Variants in ZNF469 observed in about 807,000 individuals in gnomAD.
The protein encoded by ZNF469 is zinc finger protein 469.
A neutral mutation model predicts 1.0 loss-of-function variants in ZNF469; 1 was observed. That is an observed-to-expected ratio of 1.00 (90% CI 0.35 to 4.73). The LOEUF is 4.73. ZNF469 is among the 30% of genes most tolerant of loss of function. The pLI, the probability that ZNF469 is intolerant of heterozygous loss-of-function variation, is 0.16. For missense variants in ZNF469, 6,100 were observed against 5,356.3 expected, an observed-to-expected ratio of 1.14 and a Z score of -4.33; for synonymous variants, 2,703 against 2,363.4, an observed-to-expected ratio of 1.14 and a Z score of -4.17.
At chr16:88,421,036 C>T (rs992701305) in intron 1 of ZNF469, among the ~76,000 whole-genome samples, 1 of 152,160 alleles carries the variant, frequency 6.6e-6, no homozygotes, top group Admixed American at 6.5e-5. Flanking sequence ...AGGGGTGGGA[C>T]CAGGGGCAGA....
chr16:88,215,198 A>G, the ZNF469 span, among the ~76,000 whole-genome samples: 22 of 152,186 alleles, frequency 1.4e-4, no homozygotes, highest in African/African-American at 4.8e-4. Context: ...TTTGCCTTTA[A>G]TGTAATTACT....
the ZNF469 span, among the ~76,000 whole-genome samples, chr16:88,239,397 C>T: frequency 4.0e-5 from 6 of 151,748 alleles, no homozygotes; most frequent in African/African-American, 1.5e-4. Context: ...CCAAGAACTA[C>T]AGGATTCTTT....
the ZNF469 span, among the ~76,000 whole-genome samples, chr16:88,145,789 G>A: frequency 6.6e-6 from 1 of 152,380 alleles, no homozygotes; most frequent in South Asian, 2.1e-4. Flanking sequence ...GCAGAAGGAT[G>A]CTTGGGAGAT....
At chr16:88,124,761 T>C in the ZNF469 span, among the ~76,000 whole-genome samples, 1 of 152,106 alleles carries the variant, frequency 6.6e-6, no homozygotes, top group Non-Finnish European at 1.5e-5. Flanking sequence ...ATTTTGTATT[T>C]TTAGTAGAGA....
chr16:88,292,577 C>T, the ZNF469 span, among the ~76,000 whole-genome samples: 3 of 151,838 alleles, frequency 2.0e-5, no homozygotes, highest in Non-Finnish European at 4.4e-5. Flanking sequence ...AGTGAAGCCT[C>T]GTACAGCTAA....
At chr16:88,339,868 G>T in the ZNF469 span, among the ~76,000 whole-genome samples, 1 of 146,112 alleles carries the variant, frequency 6.8e-6, no homozygotes, top group African/African-American at 2.6e-5. Context: ...GGAGGTCAGG[G>T]GACAGAGTGG....
At chr16:88,426,664 C>T (rs373577434) in intron 2 of ZNF469, among the ~76,000 whole-genome samples, 6 of 150,876 alleles carry the variant, frequency 4.0e-5, no homozygotes, top group African/African-American at 7.4e-5. Context: ...CCCTGGCTGA[C>T]GGCAGGATCT....
the ZNF469 span, among the ~76,000 whole-genome samples, chr16:88,163,783 G>C: frequency 2.6e-5 from 4 of 152,070 alleles, no homozygotes; most frequent in African/African-American, 7.2e-5. Context: ...ATAGATGCCT[G>C]AAAGGGTGGG....
the ZNF469 span, among the ~76,000 whole-genome samples, chr16:88,143,563 C>T: frequency 1.3e-5 from 2 of 151,888 alleles, no homozygotes; most frequent in African/African-American, 4.9e-5. Flanking sequence ...CATGGCCATG[C>T]GTCTCCCTGC....
At chr16:88,307,716 A>G in the ZNF469 span, among the ~76,000 whole-genome samples, 410 of 152,272 alleles carry the variant, frequency 2.7e-3, 3 homozygotes, top group African/African-American at 9.3e-3. Context: ...TTGTTGCAAG[A>G]GTTCTTTATG....
intron 1 of ZNF469, among the ~76,000 whole-genome samples, chr16:88,403,737 C>T (rs1168316189): frequency 6.6e-6 from 1 of 152,258 alleles, no homozygotes; most frequent in Admixed American, 6.5e-5. Context: ...TTGTTTTACT[C>T]TCAGAAGTAG....
chr16:88,166,131 C>T, the ZNF469 span, among the ~76,000 whole-genome samples: 2 of 152,168 alleles, frequency 1.3e-5, no homozygotes, highest in Non-Finnish European at 1.5e-5. This position sits in a 1 kb window ranked among gnomAD's most constrained non-coding sequence, Gnocchi z 4.5. Context: ...CCAGAGCCTG[C>T]GTTCATTCTC....
the ZNF469 span, among the ~76,000 whole-genome samples, chr16:88,298,970 G>A: frequency 3.3e-5 from 5 of 152,332 alleles, no homozygotes; most frequent in African/African-American, 1.2e-4. Flanking sequence ...CACAGCAGAC[G>A]CTTGCCCGGG....
the ZNF469 span, chr16:88,179,018 TC>T: frequency 6.6e-6 from 1 of 152,194 alleles, no homozygotes; most frequent in Non-Finnish European, 1.5e-5. Context: ...TCTCTACCCG[TC>T]CTCCCTGCAC....
At chr16:88,212,144 T>C in the ZNF469 span, among the ~76,000 whole-genome samples, 3 of 152,094 alleles carry the variant, frequency 2.0e-5, no homozygotes, top group Admixed American at 1.3e-4. Context: ...ACCCAAGCAT[T>C]TTTTTTTCTT....
intron 1 of ZNF469, among the ~76,000 whole-genome samples, chr16:88,390,008 G>A (rs978471785): frequency 6.6e-6 from 1 of 152,200 alleles, no homozygotes; most frequent in Admixed American, 6.5e-5. Flanking sequence ...CAGAGATGAC[G>A]CTGTTCGTCC....
the ZNF469 span, among the ~76,000 whole-genome samples, chr16:88,132,412 G>A: frequency 4.2e-5 from 6 of 141,822 alleles, no homozygotes; most frequent in African/African-American, 1.9e-4. Flanking sequence ...CCCACCCAGA[G>A]CGCCGCGTAG....
chr16:88,411,364 G>A (rs1044389233), intron 1 of ZNF469, among the ~76,000 whole-genome samples: 25 of 152,172 alleles, frequency 1.6e-4, no homozygotes, highest in Non-Finnish European at 3.5e-4. Flanking sequence ...GGTGGTCCAG[G>A]GGGAGTGGCG....
chr16:88,380,808 A>ACT, upstream of ZNF469, among the ~76,000 whole-genome samples: 1 of 144,446 alleles, frequency 6.9e-6, no homozygotes, highest in Non-Finnish European at 1.5e-5. Flanking sequence ...ACACATGCAC[A>ACT]CACACCCAGA....
Sources: gnomAD v4.1 joint callset for allele counts (sites outside exome capture counted in the v4.1 genomes callset) on GRCh38, gnomAD v4.1.1 for gene constraint, Gnocchi (gnomAD v3.1) non-coding constraint, MANE v1.5 for transcripts, NCBI Gene and HGNC (gene_info 2026-07-23, HGNC 2026-07-21) for gene names.